NIM1K: variants seen among roughly 807,000 people sequenced by gnomAD.
NIM1K encodes the protein NIM1 serine/threonine protein kinase.
Under a neutral mutation model 37.1 loss-of-function variants are expected in NIM1K, and 35 were observed. The ratio of observed to expected loss-of-function variants is 0.94; its 90% CI spans 0.72 to 1.25. The LOEUF is 1.25. NIM1K is among the 50% of genes most tolerant of loss of function. The pLI, the probability that NIM1K is intolerant of heterozygous loss-of-function variation, is 0.00. For missense variants in NIM1K, 564 were observed against 548.0 expected, an observed-to-expected ratio of 1.03 and a Z score of -0.29; for synonymous variants, 234 against 206.6, an observed-to-expected ratio of 1.13 and a Z score of -1.14.
intron 1 of NIM1K, chr5:43,207,523 T>C: frequency 1.4e-6 from 1 of 715,482 alleles, no homozygotes; most frequent in Non-Finnish European, 2.6e-6. Flanking sequence ...ATTTAACAGC[T>C]GTTCCAATCT....
At chr5:43,210,687 C>T (rs1009675336) in intron 1 of NIM1K, among the ~76,000 whole-genome samples, 3 of 152,060 alleles carry the variant, frequency 2.0e-5, no homozygotes, top group Admixed American at 6.6e-5. Context: ...GGATTGTAGG[C>T]GAGCCAAGGG....
intron 1 of NIM1K, chr5:43,207,466 G>A: frequency 4.0e-6 from 3 of 758,522 alleles, no homozygotes; most frequent in Non-Finnish European, 7.3e-6. Flanking sequence ...TTCCGGTACT[G>A]AAGAGGTACA....
chr5:43,194,974 G>C (rs759664985), intron 1 of NIM1K: 2 of 152,092 alleles, frequency 1.3e-5, no homozygotes, highest in Non-Finnish European at 2.9e-5. Context: ...TTCATTTTGA[G>C]AAACTTAAAA....
intron 1 of NIM1K, among the ~76,000 whole-genome samples, chr5:43,194,019 T>C (rs1293337638): frequency 6.6e-6 from 1 of 152,184 alleles, no homozygotes; most frequent in East Asian, 1.9e-4. Flanking sequence ...TTGCAGTCCA[T>C]GCAACACAGC....
At chr5:43,259,245 C>CT (rs1230380794) in intron 2 of NIM1K, among the ~76,000 whole-genome samples, 1 of 152,028 alleles carries the variant, frequency 6.6e-6, no homozygotes, top group African/African-American at 2.4e-5. Flanking sequence ...GATATAAGGA[C>CT]TTCTTTTCCT....
intron 1 of NIM1K, among the ~76,000 whole-genome samples, chr5:43,221,320 G>A (rs955830539): frequency 4.0e-5 from 6 of 151,792 alleles, no homozygotes; most frequent in African/African-American, 1.5e-4. Context: ...GTGTGGTAGT[G>A]CATACCTGTA....
At chr5:43,198,238 TTTC>T (rs1751962494) in intron 1 of NIM1K, among the ~76,000 whole-genome samples, 1 of 137,318 alleles carries the variant, frequency 7.3e-6, no homozygotes, top group African/African-American at 2.8e-5. Context: ...TCTTTCTTTC[TTTC>T]TTTCTTTTCT....
chr5:43,198,126 A>T (rs1751944072), intron 1 of NIM1K, among the ~76,000 whole-genome samples: 1 of 147,934 alleles, frequency 6.8e-6, no homozygotes, highest in African/African-American at 2.5e-5. Flanking sequence ...CACCTGGCCA[A>T]TATGATTTCT....
Position 43,253,181 on chromosome 5 carries a change from G to GTAATATATAATA in NIM1K, c.292+7135_292+7146dup, listed in dbSNP as rs1188535880. Among the ~76,000 whole-genome samples the GTAATATATAATA allele has an allele frequency of 4.4e-4, 61 of 138,478 alleles. No individual in the cohort carries two copies. In the East Asian group the frequency reaches 6.3e-3, roughly 14 times the overall value. The allele number at this position is 138,478 out of a possible 152,430, so 90.8% of individuals were successfully genotyped here. On this transcript the variant is annotated intron_variant, in intron 2 of 3. Transcript: ENST00000326035. ...ATATATATATAATATAATATATAAT[G>GTAATATATAATA]TAATATATAATATAATATATAATAT...
chr5:43,251,799 A>G (rs968206238), intron 2 of NIM1K, among the ~76,000 whole-genome samples: 4 of 152,128 alleles, frequency 2.6e-5, no homozygotes, highest in African/African-American at 7.2e-5. Flanking sequence ...TAAACTCTCA[A>G]TGTTATTGAC....
At chr5:43,273,824 C>A (rs1051313946) in intron 2 of NIM1K, among the ~76,000 whole-genome samples, 1 of 152,172 alleles carries the variant, frequency 6.6e-6, no homozygotes, top group African/African-American at 2.4e-5. Flanking sequence ...CCTTTCCATT[C>A]TCTGTCTGTA....
chr5:43,205,101 A>T (rs1194732021), intron 1 of NIM1K, among the ~76,000 whole-genome samples: 1 of 152,228 alleles, frequency 6.6e-6, no homozygotes, highest in African/African-American at 2.4e-5. Flanking sequence ...GACTTATGCC[A>T]TCCCAGGCTG....
At chr5:43,195,383 T>A (rs1751896698) in intron 1 of NIM1K, among the ~76,000 whole-genome samples, 1 of 152,160 alleles carries the variant, frequency 6.6e-6, no homozygotes, top group South Asian at 2.1e-4. Context: ...GATAGGTCGG[T>A]GCCGTGGCTC....
chr5:43,277,778 C>CTGTGTGTG (rs1753369244), intron 3 of NIM1K, among the ~76,000 whole-genome samples: 1 of 131,700 alleles, frequency 7.6e-6, no homozygotes, highest in East Asian at 2.2e-4. Flanking sequence ...CCCCCCCTCT[C>CTGTGTGTG]CGTGTGTGTG....
At chr5:43,211,972 C>G (rs1037399530) in intron 1 of NIM1K, among the ~76,000 whole-genome samples, 2 of 152,150 alleles carry the variant, frequency 1.3e-5, no homozygotes, top group Non-Finnish European at 2.9e-5. Context: ...TCAAGCAAAG[C>G]TAACCATATA....
At chr5:43,195,555 G>T (rs1302890972) in intron 1 of NIM1K, among the ~76,000 whole-genome samples, 2 of 151,904 alleles carry the variant, frequency 1.3e-5, no homozygotes, top group African/African-American at 2.4e-5. Context: ...AGCTACTGGG[G>T]AGACTGAGGG....
chr5:43,257,099 G>GTGAAAAGGAGGCTAGGGAGA (rs1350623886), intron 2 of NIM1K, among the ~76,000 whole-genome samples: 1 of 151,948 alleles, frequency 6.6e-6, no homozygotes, highest in Non-Finnish European at 1.5e-5. Context: ...GGCTAGGGAG[G>GTGAAAAGGAGGCTAGGGAGA]TGAAAAGGAG....
At chr5:43,263,954 G>A (rs1753078281) in intron 2 of NIM1K, among the ~76,000 whole-genome samples, 1 of 152,160 alleles carries the variant, frequency 6.6e-6, no homozygotes, top group Non-Finnish European at 1.5e-5. Context: ...TTAATCCTGA[G>A]TTCTAGTTTG....
chr5:43,258,500 G>A (rs1173435018), intron 2 of NIM1K, among the ~76,000 whole-genome samples: 1 of 151,344 alleles, frequency 6.6e-6, no homozygotes, highest in Non-Finnish European at 1.5e-5. Flanking sequence ...GGAATGTGGT[G>A]GCACAATCAC....
Sources: allele counts gnomAD v4.1 joint callset (sites outside exome capture counted in the v4.1 genomes callset), GRCh38; gene constraint gnomAD v4.1.1; transcripts MANE v1.5; gene names NCBI Gene and HGNC (gene_info 2026-07-23, HGNC 2026-07-21).